GCNT4: variants seen among roughly 807,000 people sequenced by gnomAD.
GCNT4 encodes glucosaminyl (N-acetyl) transferase 4, also known as beta-1,3-galactosyl-O-glycosyl-glycoprotein beta-1,6-N-acetylglucosaminyltransferase 4.
GCNT4 carries 17 observed loss-of-function variants against 31.3 expected under a neutral mutation model. The ratio of observed to expected loss-of-function variants is 0.54; its 90% confidence interval spans 0.37 to 0.81. The LOEUF (loss-of-function observed/expected upper bound fraction) is 0.81. GCNT4 is among the 40% of genes least tolerant of loss of function. The pLI, the probability that GCNT4 is intolerant of heterozygous loss-of-function variation, is 0.00. For synonymous variants in GCNT4, 158 were observed against 190.6 expected (o/e 0.83, Z 1.41); for missense variants, 503 against 525.5 (o/e 0.96, Z 0.42).
Position 75,034,450 on chromosome 5 carries a change from T to A in GCNT4, c.-1-4412A>T, listed in dbSNP as rs55684203. The stretch of plus-strand genomic sequence containing the variant: ...AAGGCTGGCTGTCATGTTGGCCACA[T>A]GGTTCCTAAGAGACCAGGCTAGCAA... On this transcript the variant is annotated intron_variant, in intron 3 of 3. Transcript: ENST00000652361. Among the ~76,000 whole-genome samples, 1,236 of 152,320 alleles carry A rather than the reference T, an allele frequency of 8.1e-3. 14 individuals are homozygous for A. Among genetic ancestry groups the A allele is most frequent in the African/African-American group, 0.029 (1,189 of 41,558 alleles).
chr5:75,041,175 G>A (rs929148805), intron 3 of GCNT4, among the ~76,000 whole-genome samples: 5 of 152,168 alleles, frequency 3.3e-5, no homozygotes, highest in Non-Finnish European at 1.5e-5. Flanking sequence ...TCCCTGTTTG[G>A]TGAAGCCATC....
chr5:75,051,434 C>G (rs918507464), intron 2 of GCNT4, among the ~76,000 whole-genome samples: 5 of 152,202 alleles, frequency 3.3e-5, no homozygotes, highest in Admixed American at 2.6e-4. Context: ...GCCTTGTAGC[C>G]TAAGAAGGAA....
Position 75,025,551 on chromosome 5 carries a change from T to G in GCNT4, c.*3125A>C, listed in dbSNP as rs772029909. 3 of 152,226 alleles carry G rather than the reference T, an allele frequency of 2.0e-5. No homozygotes were observed. Among genetic ancestry groups the G allele is most frequent in the Non-Finnish European group, 2.9e-5 (2 of 68,032 alleles). 9.4% of individuals were successfully genotyped at this position (152,226 alleles called of 1,614,324 possible). A position where few individuals can be genotyped will look rare whatever the true frequency, so the allele number is the denominator to read the frequency against. Reference sequence around the variant, plus strand: ...CCCAAAACTCTCATTTCATCATCAGTGCAAACAAAAATCATTTATAATAAC... The same window carrying G: ...CCCAAAACTCTCATTTCATCATCAGGGCAAACAAAAATCATTTATAATAAC... On this transcript the variant is annotated 3_prime_UTR_variant, in exon 4 of 4. Coordinates refer to ENST00000652361, the MANE Select transcript of GCNT4 (RefSeq NM_001366737.1).
At chr5:75,018,271 A>ACT in the GCNT4 span, among the ~76,000 whole-genome samples, 228 of 152,006 alleles carry the variant, frequency 1.5e-3, no homozygotes, top group African/African-American at 5.0e-3. Context: ...TAACATGTTT[A>ACT]TTTTTTATTT....
chr5:75,030,281 G>A (rs994608187), intron 3 of GCNT4: 5 of 458,628 alleles, frequency 1.1e-5, no homozygotes, highest in African/African-American at 2.0e-5. Flanking sequence ...CCAAACAGAA[G>A]GGAAGGTAAT....
At position 75,027,351 on chromosome 5, in the gene GCNT4, TA is replaced by T. The variant is rs1272446426; in HGVS notation, c.*1324del. On this transcript the variant is annotated 3_prime_UTR_variant, in exon 4 of 4. Coordinates refer to ENST00000652361, the MANE Select transcript of GCNT4 (RefSeq NM_001366737.1). Reference sequence around the variant, plus strand: ...TATTCATATACAATATATGTATATATAATATATATATTTATATATTATATAT... The same window carrying T: ...TATTCATATACAATATATGTATATATATATATATATTTATATATTATATAT... The T allele has an allele frequency of 1.3e-4, 2 of 15,050 alleles. No homozygotes were observed. The highest frequency in any genetic ancestry group is 1.2e-3 in the African/African-American group (2 of 1,714). The allele number at this position is 15,050 out of a possible 1,614,324, so 0.9% of individuals were successfully genotyped here.
intron 3 of GCNT4, among the ~76,000 whole-genome samples, chr5:75,031,196 T>C (rs537386462): frequency 6.6e-6 from 1 of 152,124 alleles, no homozygotes; most frequent in African/African-American, 2.4e-5. Context: ...TGCCTCAGAC[T>C]CCTGAGTAGC....
downstream of GCNT4, among the ~76,000 whole-genome samples, chr5:75,020,767 A>G (rs971832180): frequency 6.6e-6 from 1 of 152,208 alleles, no homozygotes; most frequent in African/African-American, 2.4e-5. Context: ...CAGCAGTTTC[A>G]TATGGTTCAA....
intron 3 of GCNT4, among the ~76,000 whole-genome samples, chr5:75,038,147 T>C (rs1038210245): frequency 6.6e-6 from 1 of 152,092 alleles, no homozygotes; most frequent in African/African-American, 2.4e-5. Flanking sequence ...TCACAGTATA[T>C]TATGAACAAG....
At chr5:75,043,564 C>T (rs2149971749) in intron 3 of GCNT4, among the ~76,000 whole-genome samples, 1 of 152,242 alleles carries the variant, frequency 6.6e-6, no homozygotes. Context: ...TTCCACTTTT[C>T]TGCCTGGAAC....
At chr5:75,045,280 A>G (rs185153163) in intron 3 of GCNT4, among the ~76,000 whole-genome samples, 142 of 152,334 alleles carry the variant, frequency 9.3e-4, no homozygotes, top group Admixed American at 1.4e-3. Context: ...ATTAAACACT[A>G]ACCCCACAAT....
intron 1 of GCNT4, 67 bp downstream of exon 1, chr5:75,052,362 C>G (rs938118028): frequency 2.0e-5 from 3 of 152,144 alleles, no homozygotes; most frequent in African/African-American, 7.2e-5. Flanking sequence ...CTACGTGACT[C>G]GGAAAACTTC....
rs190325914 is a variant in GCNT4 at position 75,033,770 on chromosome 5, C to T, written c.-1-3732G>A. 4.6e-5 allele frequency among the ~76,000 whole-genome samples: 7 copies of T among 151,874 alleles called. No homozygotes were observed. The East Asian group carries it at 1.2e-3, about 25-fold the overall frequency. On this transcript the variant is annotated intron_variant, in intron 3 of 3. Transcript: ENST00000652361. ...TGCCATGGTGGTTTGCTGCACCTAT[C>T]AACCCGTCATCTAGGTTTTAAGCCC...
At chr5:75,039,147 C>G (rs76487532) in intron 3 of GCNT4, among the ~76,000 whole-genome samples, 1 of 151,948 alleles carries the variant, frequency 6.6e-6, no homozygotes, top group African/African-American at 2.4e-5. Context: ...TGCAATGGCA[C>G]AATCTCGGCT....
chr5:75,045,219 C>A (rs1431234055), intron 3 of GCNT4, among the ~76,000 whole-genome samples: 2 of 152,170 alleles, frequency 1.3e-5, no homozygotes, highest in African/African-American at 4.8e-5. Context: ...GCAACCATCA[C>A]CACAATCCAT....
chr5:75,053,022 T>G (rs1743619617), upstream of GCNT4, among the ~76,000 whole-genome samples: 2 of 152,034 alleles, frequency 1.3e-5, no homozygotes, highest in Admixed American at 1.3e-4. Context: ...CGCTCGCGAC[T>G]CCAGCCTGGC....
chr5:75,029,986 T>C lies in GCNT4; in HGVS notation c.52A>G (p.Ile18Val). The change falls in exon 4 of 4, where the codon ATC becomes GTC. Residue 18 changes from isoleucine (I) to valine (V), a missense_variant. Coordinates refer to ENST00000652361, the MANE Select transcript of GCNT4 (RefSeq NM_001366737.1). ...AGCAGCCATAGGGTTAAAAACAGGA[T>C]GAAAACTTTCTGCTGTAGGGTATGT... ...FKHTLQQKVF[I>V]LFLTLWLLSL... is the part of the protein sequence containing the mutation. The C allele has an allele frequency of 1.9e-6, 3 of 1,612,000 alleles. No homozygotes were observed. Among genetic ancestry groups the C allele is most frequent in the South Asian group, 1.1e-5 (1 of 90,406 alleles).
At chr5:75,030,264 T>C (rs1180164559) in intron 3 of GCNT4, 5 of 491,536 alleles carry the variant, frequency 1.0e-5, no homozygotes, top group African/African-American at 7.9e-5. Context: ...TTGAGAGATG[T>C]TGGTTTCCAA....
At chr5:75,053,260 C>G (rs886706123), upstream of GCNT4, among the ~76,000 whole-genome samples, 3 of 151,958 alleles carry the variant, frequency 2.0e-5, no homozygotes, top group Admixed American at 2.0e-4. Flanking sequence ...CCGTCCGCCG[C>G]GCGCTCTGGT....
Sources: gnomAD v4.1 joint callset for allele counts (sites outside exome capture counted in the v4.1 genomes callset) on GRCh38, gnomAD v4.1.1 for gene constraint, MANE v1.5 for transcripts, NCBI Gene and HGNC (gene_info 2026-07-23, HGNC 2026-07-21) for gene names.